NCAM2: variants seen among roughly 807,000 people sequenced by gnomAD.
NCAM2 encodes neural cell adhesion molecule 2.
In NCAM2, 30 loss-of-function variants were observed where a neutral mutation model predicts 98.1. The ratio of observed to expected loss-of-function variants is 0.31; its 90% confidence interval spans 0.23 to 0.41. The LOEUF (loss-of-function observed/expected upper bound fraction) is 0.41. Ranked by LOEUF, NCAM2 falls within the 10% of genes least tolerant of loss-of-function variation. The pLI is 1.00. For missense variants in NCAM2, 867 were observed against 1,005.8 expected (o/e 0.86, Z 1.87); for synonymous variants, 368 against 342.4 (o/e 1.07, Z -0.83).
chr21:21,355,467 CAAAAAAA>C (rs1191479876), intron 8 of NCAM2, among the ~76,000 whole-genome samples: 1 of 67,228 alleles, frequency 1.5e-5, no homozygotes, highest in African/African-American at 6.0e-5. Context: ...GACTATGTCT[CAAAAAAA>C]AAAAAAAAAG....
intron 11 of NCAM2, 109 bp downstream of exon 11, chr21:21,418,678 A>T: frequency 1.2e-6 from 1 of 821,722 alleles, no homozygotes. Context: ...AAAACAATGG[A>T]TCTCTTGGAG....
At chr21:21,000,403 TG>T (rs1471347397) in intron 1 of NCAM2, among the ~76,000 whole-genome samples, 1 of 152,194 alleles carries the variant, frequency 6.6e-6, no homozygotes, top group Non-Finnish European at 1.5e-5. Context: ...AATTTATCAT[TG>T]TAGAGGCTAA....
Position 21,130,765 on chromosome 21 carries a change from A to G in NCAM2, c.55+132147A>G, listed in dbSNP as rs986452160. On this transcript the variant is annotated intron_variant, in intron 1 of 17. Transcript: ENST00000400546. ...TTTTGGTGTTTTTAACAGTGGTATT[A>G]ACTTATTAAATAAAAACCAGTTGAA... Among the ~76,000 whole-genome samples, 29 of 152,224 alleles carry G rather than the reference A, an allele frequency of 1.9e-4. 1 individual carries two copies. Among genetic ancestry groups the G allele is most frequent in the Middle Eastern group, 3.4e-3 (1 of 294 alleles).
chr21:21,435,795 T>C (rs905923092), intron 12 of NCAM2, among the ~76,000 whole-genome samples: 4 of 152,224 alleles, frequency 2.6e-5, no homozygotes, highest in Non-Finnish European at 5.9e-5. Context: ...TATTGCTGCA[T>C]TTACACTTTA....
chr21:21,454,725 A>G (rs7275487), intron 12 of NCAM2, among the ~76,000 whole-genome samples: 34,896 of 151,882 alleles, frequency 0.23, 4,529 homozygotes, highest in East Asian at 0.59. Context: ...TGGTATACAA[A>G]TAGGTCTGGC....
intron 8 of NCAM2, among the ~76,000 whole-genome samples, chr21:21,362,458 A>G (rs1602107348): frequency 6.6e-6 from 1 of 151,550 alleles, no homozygotes; most frequent in African/African-American, 2.4e-5. Context: ...CAGTGCTGCA[A>G]TCAAGGCTCA....
intron 1 of NCAM2, among the ~76,000 whole-genome samples, chr21:21,268,540 A>G (rs2072373539): frequency 6.6e-6 from 1 of 152,160 alleles, no homozygotes; most frequent in East Asian, 1.9e-4. Flanking sequence ...ACACACATAT[A>G]GCCCCAGAAA....
chr21:21,050,688 G>A (rs1464289610), intron 1 of NCAM2, among the ~76,000 whole-genome samples: 1 of 152,158 alleles, frequency 6.6e-6, no homozygotes, highest in Non-Finnish European at 1.5e-5. Flanking sequence ...CCTGAAAGAT[G>A]TTTTAGTGTT....
At chr21:21,456,661 TC>T (rs779998091) in intron 12 of NCAM2, among the ~76,000 whole-genome samples, 12 of 152,284 alleles carry the variant, frequency 7.9e-5, no homozygotes, top group Non-Finnish European at 1.8e-4. Flanking sequence ...GAAGAAAATT[TC>T]TATAGAATGA....
At position 21,537,942 on chromosome 21, in the gene NCAM2, C is replaced by T. The variant is rs372679606; in HGVS notation, c.2499C>T (p.Asp833=). 9.2e-5 allele frequency: 143 copies of T among 1,546,724 alleles called. No individual in the cohort carries two copies. The highest frequency in any genetic ancestry group is 9.2e-4 in the African/African-American group (66 of 71,614). The change falls in exon 18 of 18, where the codon GAC becomes GAT. Residue 833 remains aspartate (D), a synonymous_variant. Coordinates refer to ENST00000400546, the MANE Select transcript of NCAM2 (RefSeq NM_004540.5). ...VSNDIIQSKE[D]DSKA is the part of the protein sequence containing the mutation. ...ACGACATCATTCAATCAAAAGAAGA[C>T]GACAGCAAAGCATAACAACAATATT...
intron 5 of NCAM2, among the ~76,000 whole-genome samples, chr21:21,304,071 AT>A (rs1043202206): frequency 6.6e-6 from 1 of 152,024 alleles, no homozygotes; most frequent in South Asian, 2.1e-4. Context: ...TTGTTTTTCT[AT>A]TTTTTAACCA....
chr21:21,504,990 T>C (rs2146344900), intron 15 of NCAM2, among the ~76,000 whole-genome samples: 1 of 152,100 alleles, frequency 6.6e-6, no homozygotes, highest in South Asian at 2.1e-4. Flanking sequence ...TTGACTATAG[T>C]CATCCTGTTG....
intron 1 of NCAM2, among the ~76,000 whole-genome samples, chr21:21,266,120 T>TA (rs1180001766): frequency 2.6e-5 from 4 of 152,106 alleles, no homozygotes; most frequent in East Asian, 3.9e-4. Flanking sequence ...CCTGATATTT[T>TA]AAAAAAATGG....
At chr21:21,510,850 A>C (rs1011540992) in intron 16 of NCAM2, among the ~76,000 whole-genome samples, 16 of 152,188 alleles carry the variant, frequency 1.1e-4, no homozygotes, top group Admixed American at 7.2e-4. Context: ...AATATTCACA[A>C]GCTGAGCATG....
At chr21:21,016,168 G>T (rs1057199643) in intron 1 of NCAM2, among the ~76,000 whole-genome samples, 1 of 151,960 alleles carries the variant, frequency 6.6e-6, no homozygotes, top group South Asian at 2.1e-4. Flanking sequence ...TTCCTTTCCC[G>T]AATCAACTCC....
At chr21:21,196,382 G>A (rs1601617999) in intron 1 of NCAM2, among the ~76,000 whole-genome samples, 1 of 152,174 alleles carries the variant, frequency 6.6e-6, no homozygotes, top group South Asian at 2.1e-4. Flanking sequence ...TTCCTATGAG[G>A]ATTGCTGAAC....
At chr21:21,390,817 GTGCTTTTTTA>G (rs2076364752) in intron 9 of NCAM2, among the ~76,000 whole-genome samples, 1 of 152,134 alleles carries the variant, frequency 6.6e-6, no homozygotes, top group Non-Finnish European at 1.5e-5. Flanking sequence ...ATGTAAAATT[GTGCTTTTTTA>G]TGCTAAATGT....
intron 16 of NCAM2, among the ~76,000 whole-genome samples, 183 bp downstream of exon 16, chr21:21,509,238 A>C (rs946185143): frequency 3.3e-5 from 5 of 152,064 alleles, no homozygotes; most frequent in Non-Finnish European, 7.4e-5. Context: ...ACCTAGAACA[A>C]AGTGACTTTG....
chr21:21,071,422 T>C (rs538305602), intron 1 of NCAM2, among the ~76,000 whole-genome samples: 1 of 152,176 alleles, frequency 6.6e-6, no homozygotes, highest in East Asian at 1.9e-4. Flanking sequence ...TTCTGGGAGA[T>C]GGTAAAACAA....
Sources: gnomAD v4.1 joint callset for allele counts (sites outside exome capture counted in the v4.1 genomes callset) on GRCh38, gnomAD v4.1.1 for gene constraint, MANE v1.5 for transcripts, NCBI Gene and HGNC (gene_info 2026-07-23, HGNC 2026-07-21) for gene names.